TTC19: variants seen among roughly 807,000 people sequenced by gnomAD.
The protein encoded by TTC19 is tetratricopeptide repeat protein 19, mitochondrial.
Under a neutral mutation model 49.5 loss-of-function variants are expected in TTC19, and 38 were observed. The observed-to-expected ratio is 0.77, with a 90% CI of 0.59 to 1.01. The LOEUF (loss-of-function observed/expected upper bound fraction) is 1.01. TTC19 is among the 50% of genes least tolerant of loss of function. The pLI, the probability that TTC19 is intolerant of heterozygous loss-of-function variation, is 0.00. For synonymous variants in TTC19, 204 were observed against 185.2 expected (o/e 1.10, Z -0.83); for missense variants, 475 against 477.7 (o/e 0.99, Z 0.05).
chr17:16,001,120 A>G (rs1970714276), intron 2 of TTC19, among the ~76,000 whole-genome samples: 1 of 151,886 alleles, frequency 6.6e-6, no homozygotes, highest in Admixed American at 6.6e-5. Context: ...CTTGCAATCT[A>G]TTCTCCATGC....
At position 16,028,389 on chromosome 17, in the gene TTC19, A is replaced by G. The variant is rs186333572; in HGVS notation, c.*867A>G. The G allele has an allele frequency of 8.8e-6, 4 of 454,122 alleles. No homozygotes were observed. Among genetic ancestry groups the G allele is most frequent in the East Asian group, 6.9e-5 (1 of 14,396 alleles). 28.1% of individuals were successfully genotyped at this position (454,122 alleles called of 1,614,324 possible). A position where few individuals can be genotyped will look rare whatever the true frequency, so the allele number is the denominator to read the frequency against. The stretch of plus-strand genomic sequence containing the variant: ...TAATGTGTACTGCTGGTATAGCTGA[A>G]CTACTGACCTGGATCTTAGTCCTAG... On this transcript the variant is annotated 3_prime_UTR_variant, in exon 10 of 10. Transcript: ENST00000261647.
At chr17:16,022,573 C>G (rs980051614) in intron 7 of TTC19, among the ~76,000 whole-genome samples, 3 of 152,140 alleles carry the variant, frequency 2.0e-5, no homozygotes, top group African/African-American at 7.2e-5. Flanking sequence ...TGTTAGAGGC[C>G]TATGCTCAAG....
At chr17:16,009,175 G>A (rs915323071) in intron 7 of TTC19, among the ~76,000 whole-genome samples, 1 of 152,186 alleles carries the variant, frequency 6.6e-6, no homozygotes, top group Non-Finnish European at 1.5e-5. Context: ...ATCCACAAGA[G>A]GTGTAAAAAC....
intron 8 of TTC19, among the ~76,000 whole-genome samples, chr17:16,025,568 G>T (rs1247049434): frequency 6.6e-6 from 1 of 152,162 alleles, no homozygotes; most frequent in Non-Finnish European, 1.5e-5. Context: ...AGTTAAAATG[G>T]CAAGAGGTGA....
intron 2 of TTC19, among the ~76,000 whole-genome samples, chr17:16,001,145 C>G (rs1364405038): frequency 6.6e-6 from 1 of 150,718 alleles, no homozygotes. Flanking sequence ...ACCAAAGCGA[C>G]CAAAAAAAAA....
At position 16,027,697 on chromosome 17, in the gene TTC19, A is replaced by C. The variant is rs1005753609; in HGVS notation, c.*175A>C. 8.3e-5 allele frequency: 62 copies of C among 750,224 alleles called. No individual in the cohort carries two copies. In the East Asian group the frequency reaches 1.7e-3, roughly 21 times the overall value. The allele number at this position is 750,224 out of a possible 1,614,324, so 46.5% of individuals were successfully genotyped here. A position where few individuals can be genotyped will look rare whatever the true frequency, so the allele number is the denominator to read the frequency against. Reference sequence around the variant, plus strand: ...CACTGCCATTTTTGTATTTTAAAGGAAAAATGACTTTCATTCCCAACTGAT... The same window carrying C: ...CACTGCCATTTTTGTATTTTAAAGGCAAAATGACTTTCATTCCCAACTGAT... On this transcript the variant is annotated 3_prime_UTR_variant, in exon 10 of 10. Transcript: ENST00000261647.
intron 7 of TTC19, among the ~76,000 whole-genome samples, chr17:16,012,575 A>T (rs879885004): frequency 7.9e-5 from 12 of 151,908 alleles, no homozygotes; most frequent in African/African-American, 2.4e-4. Flanking sequence ...TATTCTCCTT[A>T]ATCTTGTCAC....
At position 16,029,203 on chromosome 17, in the gene TTC19, A is replaced by G; in HGVS notation, c.*1681A>G. Reference sequence around the variant, plus strand: ...TATTTATTAATTTTAAATCATCCACAGTGACTCAGCTCATGGTCTCGTTGT... The same window carrying G: ...TATTTATTAATTTTAAATCATCCACGGTGACTCAGCTCATGGTCTCGTTGT... On this transcript the variant is annotated 3_prime_UTR_variant, in exon 10 of 10. Coordinates refer to ENST00000261647, the MANE Select transcript of TTC19 (RefSeq NM_017775.4). 1 of 453,896 alleles carries G rather than the reference A, an allele frequency of 2.2e-6. No homozygotes were observed. The highest frequency in any genetic ancestry group is 4.4e-6 in the Non-Finnish European group (1 of 226,728). 28.1% of individuals were successfully genotyped at this position (453,896 alleles called of 1,614,324 possible).
downstream of TTC19, chr17:16,030,502 A>G (rs1971821403): frequency 5.0e-6 from 1 of 198,822 alleles, no homozygotes; most frequent in Non-Finnish European, 1.0e-5. Context: ...TGAAAAAAAA[A>G]AATTCAGCAG....
intron 5 of TTC19, 74 bp downstream of exon 5, chr17:16,003,961 C>T: frequency 6.8e-7 from 1 of 1,480,048 alleles, no homozygotes; most frequent in Non-Finnish European, 9.4e-7. Flanking sequence ...AAAACTCCTC[C>T]TAGCCCCACC....
At chr17:16,019,270 T>C (rs1414369597) in intron 7 of TTC19, among the ~76,000 whole-genome samples, 1 of 152,132 alleles carries the variant, frequency 6.6e-6, no homozygotes, top group East Asian at 1.9e-4. Flanking sequence ...GAGGCAGAGA[T>C]TGCAGTGAGC....
At chr17:16,025,423 C>A (rs1971521015) in intron 8 of TTC19, among the ~76,000 whole-genome samples, 3 of 152,208 alleles carry the variant, frequency 2.0e-5, no homozygotes. Flanking sequence ...AACAGAGCAA[C>A]CTTTCTACAG....
At chr17:16,026,968 G>C in intron 9 of TTC19, 1 of 551,448 alleles carries the variant, frequency 1.8e-6, no homozygotes, top group Non-Finnish European at 3.3e-6. Flanking sequence ...TACGTCAGTA[G>C]TGCTTTACAG....
chr17:16,015,466 TCTTC>T (rs1971188776), intron 7 of TTC19, among the ~76,000 whole-genome samples: 1 of 152,208 alleles, frequency 6.6e-6, no homozygotes, highest in African/African-American at 2.4e-5. Context: ...TCTGAGATCC[TCTTC>T]CTTTTCTAGA....
intron 9 of TTC19, 90 bp from the exon 10 acceptor site, chr17:16,027,284 G>A: frequency 6.8e-7 from 1 of 1,467,402 alleles, no homozygotes; most frequent in Non-Finnish European, 9.5e-7. Flanking sequence ...CAGTAAATTA[G>A]CCCTATATCT....
At position 16,027,803 on chromosome 17, in the gene TTC19, A is replaced by C. The variant is rs1170422234; in HGVS notation, c.*281A>C. ...TGCTGTCCCTGCTGGTCTAAGTAGAACTGTAGATTCATATGGGCTGGTGTT... is the reference window on the plus strand; with the variant it reads ...TGCTGTCCCTGCTGGTCTAAGTAGACCTGTAGATTCATATGGGCTGGTGTT... On this transcript the variant is annotated 3_prime_UTR_variant, in exon 10 of 10. Transcript: ENST00000261647. 7 of 520,686 alleles carry C rather than the reference A, an allele frequency of 1.3e-5. No individual in the cohort carries two copies. The highest frequency in any genetic ancestry group is 2.6e-5 in the Non-Finnish European group (7 of 269,478). The allele number at this position is 520,686 out of a possible 1,614,324, so 32.3% of individuals were successfully genotyped here. A position where few individuals can be genotyped will look rare whatever the true frequency, so the allele number is the denominator to read the frequency against.
chr17:16,037,316 A>G (rs2056605894), intron 2 of TTC19, among the ~76,000 whole-genome samples: 1 of 152,226 alleles, frequency 6.6e-6, no homozygotes, highest in Non-Finnish European at 1.5e-5. Flanking sequence ...TGTGAGAATT[A>G]CCAAAATATG....
Position 16,038,602 on chromosome 17 carries a change from A to C in TTC19, c.248-5901A>C, listed in dbSNP as rs896795973. 3.3e-5 allele frequency among the ~76,000 whole-genome samples: 5 copies of C among 151,914 alleles called. 1 individual carries two copies. Among genetic ancestry groups the C allele is most frequent in the Admixed American group, 3.3e-4 (5 of 15,240 alleles). ...ACAGCGTGAGCCACCACACCCAGCT[A>C]ATTTTTGTAATTTTTGTAGAGACGG... is the stretch of plus-strand genomic sequence containing the variant. On this transcript the variant is annotated intron_variant, in intron 2 of 2. Transcript: ENST00000470649.
intron 2 of TTC19, among the ~76,000 whole-genome samples, chr17:16,037,452 A>G (rs2056643664): frequency 6.6e-6 from 1 of 152,190 alleles, no homozygotes; most frequent in African/African-American, 2.4e-5. Context: ...CTTGCATTTA[A>G]AAGAAAGCCA....
Sources: allele counts gnomAD v4.1 joint callset (sites outside exome capture counted in the v4.1 genomes callset), GRCh38; gene constraint gnomAD v4.1.1; transcripts MANE v1.5; gene names NCBI Gene and HGNC (gene_info 2026-07-23, HGNC 2026-07-21).